The following TXNDC12 variants were observed in gnomAD, a reference collection of about 807,000 sequenced individuals.
TXNDC12 encodes thioredoxin domain-containing protein 12.
TXNDC12 carries 22 observed loss-of-function variants against 24.2 expected under a neutral mutation model. The observed-to-expected ratio is 0.91, with a 90% CI of 0.65 to 1.30. TXNDC12 has a LOEUF of 1.30. Ranked by LOEUF, TXNDC12 falls within the 50% of genes most tolerant of loss-of-function variation. TXNDC12 has a pLI of 0.00. For synonymous variants in TXNDC12, 58 were observed against 73.4 expected, an observed-to-expected ratio of 0.79 and a Z score of 1.07; for missense variants, 184 against 205.8, an observed-to-expected ratio of 0.89 and a Z score of 0.65.
intron 2 of TXNDC12, among the ~76,000 whole-genome samples, chr1:52,039,088 CAAAAAAAAAAA>C (rs56219938): frequency 1.2e-5 from 1 of 81,706 alleles, no homozygotes; most frequent in African/African-American, 5.1e-5. Context: ...GACACCGTCT[CAAAAAAAAAAA>C]AAAAAAAAAG....
At chr1:52,053,789 A>G (rs1367418843) in intron 1 of TXNDC12, among the ~76,000 whole-genome samples, 2 of 152,240 alleles carry the variant, frequency 1.3e-5, no homozygotes, top group African/African-American at 2.4e-5. Flanking sequence ...GGAAACCCAC[A>G]TATCACCTTC....
At chr1:52,022,562 A>AT (rs1685612635) in intron 6 of TXNDC12, among the ~76,000 whole-genome samples, 1 of 151,416 alleles carries the variant, frequency 6.6e-6, no homozygotes, top group Non-Finnish European at 1.5e-5. Flanking sequence ...ATAGCTTGAA[A>AT]TGTCCTCCTC....
At chr1:52,032,290 T>C (rs1485949327) in intron 2 of TXNDC12, 1 of 996,654 alleles carries the variant, frequency 1.0e-6, no homozygotes, top group Non-Finnish European at 1.2e-6. Context: ...AAAGGGCAGG[T>C]GCAGATGTAG....
chr1:52,021,799 A>G (rs575430665), intron 6 of TXNDC12, among the ~76,000 whole-genome samples: 26 of 152,344 alleles, frequency 1.7e-4, no homozygotes, highest in East Asian at 1.9e-4. Context: ...CCATAAGCTC[A>G]TAAGAGGCAG....
chr1:52,024,662 G>C (rs1685648351), intron 4 of TXNDC12, 83 bp from the exon 5 acceptor site: 1 of 1,095,118 alleles, frequency 9.1e-7, no homozygotes, highest in Non-Finnish European at 1.4e-6. Context: ...CACTTGTCAG[G>C]GCAAAACCCC....
At chr1:52,021,227 G>C (rs563351206) in intron 6 of TXNDC12, among the ~76,000 whole-genome samples, 79 of 152,248 alleles carry the variant, frequency 5.2e-4, no homozygotes, top group Admixed American at 3.2e-3. Flanking sequence ...ACTTCACACA[G>C]TATTATAAAA....
chr1:52,031,796 A>G (rs1041464958), intron 2 of TXNDC12, among the ~76,000 whole-genome samples: 7 of 152,234 alleles, frequency 4.6e-5, no homozygotes, highest in Non-Finnish European at 7.3e-5. Context: ...ACATATCTCA[A>G]GAGCAAAAAC....
At chr1:52,051,882 G>A (rs1222638784) in intron 1 of TXNDC12, 2 of 169,304 alleles carry the variant, frequency 1.2e-5, no homozygotes, top group East Asian at 3.9e-4. Flanking sequence ...GGTAAGTGGG[G>A]TATAATCTAC....
chr1:52,036,499 G>C (rs961058733), intron 2 of TXNDC12, among the ~76,000 whole-genome samples: 1 of 152,208 alleles, frequency 6.6e-6, no homozygotes, highest in Non-Finnish European at 1.5e-5. Context: ...CAGGATGGCA[G>C]AGGCAGAAGA....
intron 2 of TXNDC12, among the ~76,000 whole-genome samples, chr1:52,038,380 C>T (rs533927381): frequency 1.5e-3 from 233 of 151,002 alleles, no homozygotes; most frequent in African/African-American, 5.5e-3. Context: ...GGGGGGATCT[C>T]GGCTCATGCA....
At chr1:52,055,361 G>A (rs146218758), upstream of TXNDC12, 1 of 442,542 alleles carries the variant, frequency 2.3e-6, no homozygotes, top group Admixed American at 3.5e-5. Context: ...GTGGATTCTG[G>A]GTGTCCAGGT....
intron 1 of TXNDC12, among the ~76,000 whole-genome samples, chr1:52,042,556 G>T (rs963663820): frequency 6.6e-6 from 1 of 151,682 alleles, no homozygotes; most frequent in African/African-American, 2.4e-5. Context: ...CACCTCCCAG[G>T]TTCAAGCGAT....
intron 2 of TXNDC12, among the ~76,000 whole-genome samples, chr1:52,036,111 A>G (rs1685879010): frequency 6.6e-6 from 1 of 152,288 alleles, no homozygotes; most frequent in African/African-American, 2.4e-5. Context: ...GAACAACCCC[A>G]GGATGAGGGG....
chr1:52,025,867 T>C (rs1446483289), intron 4 of TXNDC12, among the ~76,000 whole-genome samples: 1 of 151,364 alleles, frequency 6.6e-6, no homozygotes, highest in Non-Finnish European at 1.5e-5. Flanking sequence ...TTTCACTCTC[T>C]CACCCAGGCT....
intron 1 of TXNDC12, among the ~76,000 whole-genome samples, chr1:52,052,149 T>A (rs1181653742): frequency 6.6e-6 from 1 of 152,212 alleles, no homozygotes; most frequent in Non-Finnish European, 1.5e-5. Flanking sequence ...AAAGCACATA[T>A]CATGCTGCCA....
intron 2 of TXNDC12, chr1:52,033,654 G>T: frequency 6.2e-7 from 1 of 1,611,290 alleles, no homozygotes. Flanking sequence ...CAGCTGCGTC[G>T]TCCACCACGT....
chr1:52,039,650 C>T (rs192063377), intron 2 of TXNDC12, among the ~76,000 whole-genome samples: 9 of 152,190 alleles, frequency 5.9e-5, no homozygotes, highest in East Asian at 1.9e-4. Flanking sequence ...CGTTATACTG[C>T]GATACGCAAT....
At chr1:52,032,440 C>A (rs2809918) in intron 2 of TXNDC12, 51,918 of 1,239,744 alleles carry the variant, frequency 0.042, 1,228 homozygotes, top group Non-Finnish European at 0.046. Flanking sequence ...TCTAGGTAAT[C>A]CCTGTCCACC....
At chr1:52,045,439 C>A (rs1037395565) in intron 1 of TXNDC12, among the ~76,000 whole-genome samples, 1 of 151,980 alleles carries the variant, frequency 6.6e-6, no homozygotes, top group Non-Finnish European at 1.5e-5. Context: ...GGCCCTTATC[C>A]TTATGAGAAG....
Sources: allele counts gnomAD v4.1 joint callset (sites outside exome capture counted in the v4.1 genomes callset), GRCh38; gene constraint gnomAD v4.1.1; transcripts MANE v1.5; gene names NCBI Gene and HGNC (gene_info 2026-07-23, HGNC 2026-07-21).